The following FN1 variants were observed in gnomAD, a reference collection of about 807,000 sequenced individuals.
FN1 encodes the protein fibronectin 1.
In FN1, 106 loss-of-function variants were observed where a neutral mutation model predicts 297.3. That is an observed-to-expected ratio of 0.36 (90% confidence interval 0.30 to 0.42). FN1 has a LOEUF of 0.42. Ranked by LOEUF, FN1 falls within the 10% of genes least tolerant of loss-of-function variation. The probability of loss-of-function intolerance (pLI) is 1.00; values close to 1 mark genes in which losing one functional copy is unlikely to be tolerated. For missense variants in FN1, 2,690 were observed against 3,124.9 expected (o/e 0.86, Z 3.32); for synonymous variants, 1,149 against 1,152.6 (o/e 1.00, Z 0.06).
At chr2:215,390,182 A>G (rs542590775) in intron 26 of FN1, among the ~76,000 whole-genome samples, 2 of 151,812 alleles carry the variant, frequency 1.3e-5, no homozygotes, top group East Asian at 1.9e-4. Context: ...CTTCATGTTT[A>G]TTTGTTTGTT....
intron 35 of FN1, among the ~76,000 whole-genome samples, chr2:215,377,467 C>A (rs57482574): frequency 1.3e-5 from 2 of 151,960 alleles, no homozygotes; most frequent in South Asian, 2.1e-4. Flanking sequence ...GGTCCTCCCC[C>A]CCCAACTCTC....
At chr2:215,394,073 CA>C (rs1382593982) in intron 24 of FN1, among the ~76,000 whole-genome samples, 1 of 152,124 alleles carries the variant, frequency 6.6e-6, no homozygotes, top group African/African-American at 2.4e-5. Context: ...ATGTGTCAAC[CA>C]AATGCTGTTT....
chr2:215,361,431 C>A lies in FN1; in HGVS notation c.*124G>T. ...TGTGAGTTGAGCTGAAGCTGGAGAA[C>A]TTCCTCCAGAGCAAAGGGCTTAAGA... On this transcript the variant is annotated 3_prime_UTR_variant, in exon 46 of 46. Transcript: ENST00000354785. 1.2e-6 allele frequency: 1 copy of A among 803,158 alleles called. No homozygotes were observed. Among genetic ancestry groups the A allele is most frequent in the South Asian group, 1.4e-5 (1 of 73,814 alleles). 49.8% of individuals were successfully genotyped at this position (803,158 alleles called of 1,614,324 possible). A position where few individuals can be genotyped will look rare whatever the true frequency, so the allele number is the denominator to read the frequency against.
At chr2:215,423,674 C>T (rs2064839995) in intron 8 of FN1, 148 bp from the exon 9 acceptor site, 1 of 776,978 alleles carries the variant, frequency 1.3e-6, no homozygotes, top group Non-Finnish European at 2.2e-6. Context: ...TAATATAGTT[C>T]TAAGCTTCTT....
At chr2:215,363,074 GT>G (rs1225551333) in intron 44 of FN1, 1 of 152,118 alleles carries the variant, frequency 6.6e-6, no homozygotes, top group African/African-American at 2.4e-5. Flanking sequence ...ATATTTCTCT[GT>G]TTAAGCACAT....
intron 14 of FN1, 26 bp downstream of exon 14, chr2:215,409,908 A>G (rs2062347097): frequency 1.2e-6 from 2 of 1,613,216 alleles, no homozygotes; most frequent in East Asian, 4.5e-5. Flanking sequence ...CGGGGGTAGG[A>G]GGCATGAGGG....
At chr2:215,388,113 A>G in intron 27 of FN1, 99 bp downstream of exon 27, 2 of 894,236 alleles carry the variant, frequency 2.2e-6, no homozygotes, top group Admixed American at 1.9e-5. Flanking sequence ...CACCATGACA[A>G]CAAAAAATGG....
chr2:215,407,035 G>A (rs904786964), intron 18 of FN1, 92 bp downstream of exon 18: 2 of 955,184 alleles, frequency 2.1e-6, no homozygotes, highest in African/African-American at 3.2e-5. Flanking sequence ...AAGATTTCTT[G>A]AATGAGAGGA....
At chr2:215,389,040 G>A (rs539059747) in intron 26 of FN1, among the ~76,000 whole-genome samples, 2 of 75,096 alleles carry the variant, frequency 2.7e-5, no homozygotes, top group East Asian at 5.5e-4. Context: ...ATTAAAATGA[G>A]AGCAGAATAT....
chr2:215,434,894 T>C, intron 1 of FN1, 70 bp from the exon 2 acceptor site: 1 of 1,537,804 alleles, frequency 6.5e-7, no homozygotes, highest in Non-Finnish European at 9.0e-7. Flanking sequence ...ATTTTCTTCA[T>C]GTGAATATTG....
chr2:215,367,035 A>G (rs1172273121), intron 42 of FN1, among the ~76,000 whole-genome samples: 2 of 152,212 alleles, frequency 1.3e-5, no homozygotes, highest in Non-Finnish European at 2.9e-5. Context: ...AATACTTTGA[A>G]AATCTCTTTT....
intron 32 of FN1, 62 bp from the exon 33 acceptor site, chr2:215,381,142 A>G (rs2058143409): frequency 6.5e-7 from 1 of 1,545,488 alleles, no homozygotes; most frequent in African/African-American, 1.4e-5. Context: ...AAGCATTTTT[A>G]TAACATGCAA....
intron 12 of FN1, among the ~76,000 whole-genome samples, chr2:215,415,760 T>A: frequency 6.6e-6 from 1 of 152,106 alleles, no homozygotes; most frequent in East Asian, 1.9e-4. Context: ...GTTCTTTTGT[T>A]TAAAATAAAA....
intron 8 of FN1, 49 bp downstream of exon 8, chr2:215,424,097 A>G (rs1297267307): frequency 6.4e-7 from 1 of 1,567,174 alleles, no homozygotes; most frequent in Non-Finnish European, 8.8e-7. Flanking sequence ...AAACTAGGGC[A>G]TGAAAGTGAG....
chr2:215,384,057 G>A lies in FN1; in HGVS notation c.4857C>T (p.Pro1619=), dbSNP rs367872433. The change falls in exon 30 of 46, where the codon CCC becomes CCT. Residue 1619 remains proline, a synonymous_variant. Coordinates refer to ENST00000354785, the MANE Select transcript of FN1 (RefSeq NM_212482.4). ...VYAVTGRGDS[P]ASSKPISINY... is the part of the protein sequence containing the mutation. ...TAATGGAAATTGGCTTGCTGCTTGC[G>A]GGGCTGTCTCCACGGCCAGTGACAG... The A allele has an allele frequency of 9.7e-5, 157 of 1,614,000 alleles. No individual in the cohort carries two copies. The highest frequency in any genetic ancestry group is 1.2e-4 in the Non-Finnish European group (144 of 1,180,030).
chr2:215,370,520 TTAAAC>T (rs1324216379), intron 40 of FN1, 88 bp from the exon 41 acceptor site: 2 of 1,018,726 alleles, frequency 2.0e-6, no homozygotes, highest in East Asian at 4.9e-5. Flanking sequence ...CCCTCACTGT[TTAAAC>T]AAAGCAAAGG....
chr2:215,371,610 T>TAA (rs1383743867), intron 40 of FN1, among the ~76,000 whole-genome samples: 2 of 135,136 alleles, frequency 1.5e-5, no homozygotes, highest in Non-Finnish European at 3.2e-5. Flanking sequence ...TATTGGGATT[T>TAA]AAAAAAAAAA....
At chr2:215,419,794 T>C (rs1369845816) in intron 11 of FN1, among the ~76,000 whole-genome samples, 2 of 152,194 alleles carry the variant, frequency 1.3e-5, no homozygotes, top group Non-Finnish European at 2.9e-5. Context: ...TTAAAGAAAC[T>C]GTTTGACATT....
chr2:215,434,959 T>C, intron 1 of FN1, 135 bp from the exon 2 acceptor site: 3 of 988,722 alleles, frequency 3.0e-6, no homozygotes, highest in Non-Finnish European at 4.6e-6. Flanking sequence ...AATGATGTCA[T>C]TTCCATCTGG....
Sources: allele counts gnomAD v4.1 joint callset (sites outside exome capture counted in the v4.1 genomes callset), GRCh38; gene constraint gnomAD v4.1.1; transcripts MANE v1.5; gene names NCBI Gene and HGNC (gene_info 2026-07-23, HGNC 2026-07-21).